The following COL12A1 variants were observed in gnomAD, a reference collection of about 807,000 sequenced individuals.
The protein encoded by COL12A1 is collagen type XII alpha 1 chain, also known as collagen alpha-1(XII) chain.
In COL12A1, 114 loss-of-function variants were observed where a neutral mutation model predicts 349.7. The ratio of observed to expected loss-of-function variants is 0.33; its 90% CI spans 0.28 to 0.38. The LOEUF is 0.38. Among genes scored for constraint, COL12A1 ranks in the 10% least tolerant of loss-of-function variants. The pLI is 1.00. For synonymous variants in COL12A1, 1,369 were observed against 1,329.0 expected (o/e 1.03, Z -0.66); for missense variants, 3,284 against 3,756.9 (o/e 0.87, Z 3.29).
intron 51 of COL12A1, among the ~76,000 whole-genome samples, chr6:75,111,322 G>A (rs951298339): frequency 7.9e-5 from 12 of 151,792 alleles, no homozygotes; most frequent in African/African-American, 2.7e-4. Flanking sequence ...GAAAAAATAG[G>A]CATTATATAA....
chr6:75,093,084 AG>A (rs1767851322), intron 60 of COL12A1, among the ~76,000 whole-genome samples: 1 of 152,210 alleles, frequency 6.6e-6, no homozygotes, highest in Non-Finnish European at 1.5e-5. Flanking sequence ...TATCCAAAAT[AG>A]CTGCCTTCCC....
intron 3 of COL12A1, 148 bp downstream of exon 3, chr6:75,194,683 C>T (rs1770127971): frequency 3.9e-6 from 2 of 514,168 alleles, no homozygotes; most frequent in Non-Finnish European, 3.5e-6. Flanking sequence ...AAATCTGAAA[C>T]CTGAGTTCAG....
At chr6:75,098,873 A>ATT (rs1224556378) in intron 58 of COL12A1, among the ~76,000 whole-genome samples, 1 of 152,030 alleles carries the variant, frequency 6.6e-6, no homozygotes, top group Admixed American at 6.6e-5. Context: ...TTTATATGTT[A>ATT]TTTTTTCTCT....
intron 13 of COL12A1, 99 bp from the exon 14 acceptor site, chr6:75,165,878 TCA>T: frequency 9.2e-6 from 11 of 1,198,588 alleles, no homozygotes; most frequent in Non-Finnish European, 1.2e-5. Flanking sequence ...CTTGCTGGAC[TCA>T]CACTCAATTT....
At chr6:75,196,332 A>G (rs1770225198) in intron 2 of COL12A1, among the ~76,000 whole-genome samples, 1 of 152,214 alleles carries the variant, frequency 6.6e-6, no homozygotes, top group Non-Finnish European at 1.5e-5. Flanking sequence ...TCAAAGGTCA[A>G]TTAAAATACA....
chr6:75,185,480 A>G (rs991280528), intron 8 of COL12A1, among the ~76,000 whole-genome samples: 3 of 152,234 alleles, frequency 2.0e-5, no homozygotes, highest in Non-Finnish European at 4.4e-5. Flanking sequence ...CAGAGATGAC[A>G]ATGGAAAAAC....
At chr6:75,091,056 A>C (rs1244699096) in intron 62 of COL12A1, among the ~76,000 whole-genome samples, 1 of 152,226 alleles carries the variant, frequency 6.6e-6, no homozygotes, top group African/African-American at 2.4e-5. Context: ...AATGACTTAA[A>C]GATCTTAACT....
chr6:75,117,260 C>G (rs1485960861), intron 47 of COL12A1, 122 bp downstream of exon 47: 36 of 952,924 alleles, frequency 3.8e-5, no homozygotes, highest in Non-Finnish European at 5.1e-5. Context: ...ATCAGGTTCT[C>G]AAGTGATTTC....
intron 5 of COL12A1, among the ~76,000 whole-genome samples, chr6:75,190,845 C>T (rs1282584094): frequency 2.0e-5 from 3 of 151,762 alleles, no homozygotes; most frequent in Non-Finnish European, 4.4e-5. Flanking sequence ...ATTAAAAAGT[C>T]AATACTTGGC....
At chr6:75,095,830 C>CT (rs1190942849) in intron 59 of COL12A1, among the ~76,000 whole-genome samples, 32 of 150,840 alleles carry the variant, frequency 2.1e-4, no homozygotes, top group Admixed American at 5.9e-4. Flanking sequence ...AAGCAATTCC[C>CT]TTTTTTTTTA....
intron 13 of COL12A1, among the ~76,000 whole-genome samples, chr6:75,172,263 T>C (rs1298579963): frequency 6.6e-6 from 1 of 152,234 alleles, no homozygotes; most frequent in Admixed American, 6.5e-5. Flanking sequence ...TAGAATGTGC[T>C]TCCTGTAAAA....
In COL12A1 at chr6:75,175,167, C is replaced by T. The variant is rs780466316; in HGVS notation, c.2581G>A (p.Val861Met). The T allele has an allele frequency of 2.5e-6, 4 of 1,614,082 alleles. No homozygotes were observed. In the Admixed American group the frequency reaches 6.7e-5, roughly 27 times the overall value. ...VAGGETQEVT[V>M]RGDTTNTVLQ... ...ACCGTATTGGTTGTATCTCCCCTCA[C>T]AGTGACCTCTTGAGTTTCACCCCCT... The change falls in exon 13 of 66, where the codon GTG (valine) becomes ATG (methionine). Residue 861 changes from valine (V) to methionine (M), a missense_variant. Around this residue, in one of 2 missense-constraint regions of COL12A1, gnomAD observed 2,601 missense variants for 2,824.8 expected, o/e 0.92. Transcript: ENST00000322507.
chr6:75,172,091 A>G (rs1209988682), intron 13 of COL12A1, among the ~76,000 whole-genome samples: 8 of 152,188 alleles, frequency 5.3e-5, no homozygotes, highest in Non-Finnish European at 1.0e-4. Flanking sequence ...TTATTTTACT[A>G]GCTATGTGTT....
chr6:75,143,508 G>A, intron 25 of COL12A1, 120 bp from the exon 26 acceptor site: 8 of 1,013,288 alleles, frequency 7.9e-6, no homozygotes, highest in Admixed American at 6.5e-5. Flanking sequence ...CAAAATAACT[G>A]AAAAAAATGA....
intron 37 of COL12A1, 125 bp downstream of exon 37, chr6:75,129,966 G>GA (rs1349715303): frequency 3.5e-6 from 4 of 1,154,846 alleles, no homozygotes; most frequent in Non-Finnish European, 4.9e-6. Context: ...TCATGTCAGA[G>GA]AAAATCCTAA....
intron 31 of COL12A1, 117 bp downstream of exon 31, chr6:75,137,320 G>T (rs240734): frequency 7.3e-6 from 7 of 956,070 alleles, no homozygotes; most frequent in Admixed American, 2.9e-5. Flanking sequence ...CATCCAATGC[G>T]ATAAATCTTA....
intron 14 of COL12A1, among the ~76,000 whole-genome samples, chr6:75,158,475 T>C (rs1423693705): frequency 1.3e-5 from 2 of 152,154 alleles, no homozygotes; most frequent in African/African-American, 4.8e-5. Context: ...AACTTTCTGT[T>C]GTTACAGCCA....
intron 2 of COL12A1, among the ~76,000 whole-genome samples, chr6:75,201,566 A>G (rs774340430): frequency 6.6e-6 from 1 of 152,098 alleles, no homozygotes; most frequent in Non-Finnish European, 1.5e-5. Flanking sequence ...GAACTTCCAC[A>G]GCTGTCACTT....
At chr6:75,166,813 A>G (rs1446229284) in intron 13 of COL12A1, among the ~76,000 whole-genome samples, 2 of 152,182 alleles carry the variant, frequency 1.3e-5, no homozygotes, top group Non-Finnish European at 2.9e-5. Flanking sequence ...TAATTTAACA[A>G]TTATATTTCA....
Sources: allele counts gnomAD v4.1 joint callset (sites outside exome capture counted in the v4.1 genomes callset), GRCh38; gene constraint gnomAD v4.1.1; regional missense constraint gnomAD v4.1.1; transcripts MANE v1.5; gene names NCBI Gene and HGNC (gene_info 2026-07-23, HGNC 2026-07-21).